SLC39A11: variants seen among roughly 807,000 people sequenced by gnomAD.
SLC39A11 encodes zinc transporter ZIP11.
A neutral mutation model predicts 36.1 loss-of-function variants in SLC39A11; 33 were observed. The ratio of observed to expected loss-of-function variants is 0.91; its 90% CI spans 0.69 to 1.22. The LOEUF is 1.22. Ranked by LOEUF, SLC39A11 falls within the 50% of genes most tolerant of loss-of-function variation. The pLI is 0.00. For synonymous variants in SLC39A11, 166 were observed against 170.3 expected (o/e 0.97, Z 0.20); for missense variants, 432 against 430.3 (o/e 1.00, Z -0.03).
Position 72,900,158 on chromosome 17 carries a change from A to G in SLC39A11, c.430+47594T>C, listed in dbSNP as rs534479880. ...AGAAAGAAAAAGAAAGAAAGAAAAG[A>G]AAGAAAGAAAGAAAGAAAGAAAGAA... is the stretch of plus-strand genomic sequence containing the variant. On this transcript the variant is annotated intron_variant, in intron 5 of 9. Coordinates refer to ENST00000255559, the MANE Select transcript of SLC39A11 (RefSeq NM_139177.4). Among the ~76,000 whole-genome samples, 4 of 29,510 alleles carry G rather than the reference A, an allele frequency of 1.4e-4. No individual in the cohort carries two copies. The South Asian group carries it at 3.4e-3, about 25-fold the overall frequency. 19.4% of individuals were successfully genotyped at this position (29,510 alleles called of 152,430 possible). A position where few individuals can be genotyped will look rare whatever the true frequency, so the allele number is the denominator to read the frequency against.
At chr17:72,960,273 A>G (rs888806658) in intron 4 of SLC39A11, among the ~76,000 whole-genome samples, 2 of 152,230 alleles carry the variant, frequency 1.3e-5, no homozygotes, top group African/African-American at 2.4e-5. Context: ...GTTTACCATC[A>G]TTAAAAAATG....
chr17:72,720,725 T>C (rs1049868362), intron 7 of SLC39A11, among the ~76,000 whole-genome samples: 4 of 152,160 alleles, frequency 2.6e-5, no homozygotes, highest in African/African-American at 4.8e-5. Context: ...CTGAGGTAGA[T>C]ACTATTATTC....
intron 5 of SLC39A11, among the ~76,000 whole-genome samples, chr17:72,916,200 C>T (rs12103754): frequency 0.28 from 41,785 of 150,432 alleles, 6,784 homozygotes; most frequent in East Asian, 0.75. Context: ...AATGCGCGCA[C>T]ACACAGGCAC....
intron 7 of SLC39A11, among the ~76,000 whole-genome samples, chr17:72,716,128 C>T (rs79734483): frequency 6.6e-6 from 1 of 151,962 alleles, no homozygotes; most frequent in African/African-American, 2.4e-5. Flanking sequence ...GGGAGCCCCC[C>T]TGCATTCCCA....
intron 4 of SLC39A11, among the ~76,000 whole-genome samples, chr17:72,954,572 A>G (rs2086113314): frequency 6.6e-6 from 1 of 152,212 alleles, no homozygotes; most frequent in African/African-American, 2.4e-5. Context: ...TGCCATCCTC[A>G]CTTAACCCCA....
chr17:72,854,830 C>G (rs2079553516), intron 5 of SLC39A11, among the ~76,000 whole-genome samples: 1 of 152,192 alleles, frequency 6.6e-6, no homozygotes, highest in African/African-American at 2.4e-5. Flanking sequence ...ACAGAAAAGT[C>G]CCAGGCTCAC....
intron 5 of SLC39A11, among the ~76,000 whole-genome samples, chr17:72,865,513 C>T (rs760661661): frequency 7.4e-5 from 11 of 149,390 alleles, no homozygotes; most frequent in Non-Finnish European, 1.5e-4. Flanking sequence ...TAAACATCAA[C>T]ATAAAAGCTG....
rs1009578365 is a variant in SLC39A11 at position 72,916,776 on chromosome 17, G to T, written c.430+30976C>A. Among the ~76,000 whole-genome samples the T allele has an allele frequency of 3.3e-5, 5 of 152,018 alleles. 1 individual carries two copies. Among genetic ancestry groups the T allele is most frequent in the African/African-American group, 7.3e-5 (3 of 41,374 alleles). ...TACCAGGCAAGGACTCTCCCAAAAGGCTTCCCCATCTCCCTCCGCACCTCA... is the reference window on the plus strand; with the variant it reads ...TACCAGGCAAGGACTCTCCCAAAAGTCTTCCCCATCTCCCTCCGCACCTCA... On this transcript the variant is annotated intron_variant, in intron 5 of 9. Coordinates refer to ENST00000255559, the MANE Select transcript of SLC39A11 (RefSeq NM_139177.4).
intron 6 of SLC39A11, among the ~76,000 whole-genome samples, chr17:72,785,391 G>GAGAATAACTGACAA (rs2076475122): frequency 6.6e-6 from 1 of 152,142 alleles, no homozygotes; most frequent in Non-Finnish European, 1.5e-5. Flanking sequence ...AGAGTCGGGA[G>GAGAATAACTGACAA]AATTTCAAAG....
At position 72,842,078 on chromosome 17, in the gene SLC39A11, A is replaced by ATGTGTGTGTGTGTG. The variant is rs61185081; in HGVS notation, c.601+7542_601+7555dup. Among the ~76,000 whole-genome samples, 357 of 148,898 alleles carry ATGTGTGTGTGTGTG rather than the reference A, an allele frequency of 2.4e-3. 3 individuals are homozygous for ATGTGTGTGTGTGTG. The highest frequency in any genetic ancestry group is 5.9e-3 in the African/African-American group (239 of 40,390). On this transcript the variant is annotated intron_variant, in intron 6 of 9. Transcript: ENST00000255559. ...GAGAGAGATCTTGTCTCAAAAAACTATGTGTGTGTGTGTGTGTGTGTGTGC... is the reference window on the plus strand; with the variant it reads ...GAGAGAGATCTTGTCTCAAAAAACTATGTGTGTGTGTGTGTGTGTGTGTGTGTGTGTGTGTGTGC...
intron 5 of SLC39A11, among the ~76,000 whole-genome samples, chr17:72,872,148 T>TG (rs560191569): frequency 1.2e-3 from 189 of 152,304 alleles, no homozygotes; most frequent in Non-Finnish European, 2.3e-3. Flanking sequence ...TCCCAGTGCC[T>TG]GGGGAGGGCA....
chr17:72,725,281 A>G (rs990581989), intron 7 of SLC39A11, among the ~76,000 whole-genome samples: 3 of 152,176 alleles, frequency 2.0e-5, no homozygotes, highest in African/African-American at 7.2e-5. Context: ...AAAAGCTTGG[A>G]GTAGCTTCTG....
At chr17:72,880,354 A>C (rs762109911) in intron 5 of SLC39A11, among the ~76,000 whole-genome samples, 5 of 152,086 alleles carry the variant, frequency 3.3e-5, no homozygotes, top group Non-Finnish European at 5.9e-5. Flanking sequence ...GGATCGCTTG[A>C]GCCTAGGAGT....
chr17:72,893,415 G>A (rs1038065699), intron 5 of SLC39A11, among the ~76,000 whole-genome samples: 34 of 152,070 alleles, frequency 2.2e-4, no homozygotes, highest in African/African-American at 8.0e-4. Context: ...ACCCAGGATC[G>A]TGCCACTGCA....
intron 6 of SLC39A11, among the ~76,000 whole-genome samples, chr17:72,824,053 C>T (rs1361898234): frequency 2.6e-5 from 4 of 151,188 alleles, no homozygotes; most frequent in Non-Finnish European, 5.9e-5. Flanking sequence ...ACATAAAATT[C>T]CCTTTTATAC....
intron 5 of SLC39A11, among the ~76,000 whole-genome samples, chr17:72,937,987 C>A (rs927409753): frequency 6.6e-6 from 1 of 152,196 alleles, no homozygotes. Flanking sequence ...AGAGTGAATT[C>A]TGTTTCAGAG....
intron 3 of SLC39A11, among the ~76,000 whole-genome samples, chr17:73,062,973 A>T (rs1448075563): frequency 6.6e-6 from 1 of 151,886 alleles, no homozygotes; most frequent in Admixed American, 6.6e-5. Context: ...CTCACCCGCC[A>T]CTCACCTCCT....
At chr17:72,882,248 C>T (rs761215755) in intron 5 of SLC39A11, among the ~76,000 whole-genome samples, 4 of 151,504 alleles carry the variant, frequency 2.6e-5, no homozygotes, top group Non-Finnish European at 4.4e-5. Flanking sequence ...CCCAGCCACT[C>T]GGGACGCTGA....
intron 6 of SLC39A11, among the ~76,000 whole-genome samples, chr17:72,754,621 A>T (rs1238208801): frequency 6.6e-6 from 1 of 152,084 alleles, no homozygotes; most frequent in Non-Finnish European, 1.5e-5. Context: ...GGGACAGTGG[A>T]TTCCTTATGT....
Sources: gnomAD v4.1 joint callset for allele counts (sites outside exome capture counted in the v4.1 genomes callset) on GRCh38, gnomAD v4.1.1 for gene constraint, MANE v1.5 for transcripts, NCBI Gene and HGNC (gene_info 2026-07-23, HGNC 2026-07-21) for gene names.